The following SIVA1 variants were observed in gnomAD, a reference collection of about 807,000 sequenced individuals.
SIVA1 encodes the protein apoptosis regulatory protein Siva.
A neutral mutation model predicts 19.7 loss-of-function variants in SIVA1; 10 were observed. That is an observed-to-expected ratio of 0.51 (90% CI 0.31 to 0.86). The LOEUF (loss-of-function observed/expected upper bound fraction) is 0.86, where lower values mean the gene tolerates loss of function less well. SIVA1 is among the 40% of genes least tolerant of loss of function. SIVA1 has a pLI of 0.04. For missense variants in SIVA1, 241 were observed against 245.2 expected (o/e 0.98, Z 0.11); for synonymous variants, 130 against 106.1 (o/e 1.23, Z -1.39).
chr14:104,755,520 G>T, intron 1 of SIVA1, 110 bp from the exon 2 acceptor site: 1 of 974,616 alleles, frequency 1.0e-6, no homozygotes. Context: ...GGAGACAGAG[G>T]GCACACAGGA....
At position 104,755,677 on chromosome 14, in the gene SIVA1, C is replaced by A; in HGVS notation, c.166C>A (p.His56Asn). 1 of 1,613,932 alleles carries A rather than the reference C, an allele frequency of 6.2e-7. No homozygotes were observed. Among genetic ancestry groups the A allele is most frequent in the Middle Eastern group, 1.7e-4 (1 of 5,952 alleles). ...LFLGAQAYLDHVWDEGCAVVH... is the reference protein window; with the variant it reads ...LFLGAQAYLDNVWDEGCAVVH... The stretch of plus-strand genomic sequence containing the variant: ...CCTCGGGGCCCAGGCCTACCTGGAC[C>A]ACGTGTGGGATGAAGGCTGTGCCGT... Residue 56 changes from histidine (H) to asparagine (N), a missense_variant, in exon 2 of 4, where the codon CAC (histidine) becomes AAC (asparagine). By Grantham distance (68) the His-to-Asn change is moderately conservative. Transcript: ENST00000329967.
Position 104,756,671 on chromosome 14 carries a change from C to T in SIVA1, c.381C>T (p.Cys127=), listed in dbSNP as rs761066383. The change falls in exon 3 of 4, where the codon TGC becomes TGT. Residue 127 remains cysteine, a synonymous_variant. Coordinates refer to ENST00000329967, the MANE Select transcript of SIVA1 (RefSeq NM_006427.4). Reference sequence around the variant, plus strand: ...GAGCCGTGGATGGGAAGGCGGTCTGCGGTCAGTGTGAGCGAGCCCTGTGCG... The same window carrying T: ...GAGCCGTGGATGGGAAGGCGGTCTGTGGTCAGTGTGAGCGAGCCCTGTGCG... ...CVRAVDGKAV[C]GQCERALCGQ... is the part of the protein sequence containing the mutation. 1.7e-5 allele frequency: 28 copies of T among 1,614,070 alleles called. No individual in the cohort carries two copies. Among genetic ancestry groups the T allele is most frequent in the East Asian group, 2.2e-5 (1 of 44,896 alleles).
chr14:104,759,555 C>G lies in SIVA1; in HGVS notation c.*70C>G. On this transcript the variant is annotated 3_prime_UTR_variant, in exon 4 of 4. Coordinates refer to ENST00000329967, the MANE Select transcript of SIVA1 (RefSeq NM_006427.4). This position sits in a 1 kb window ranked among gnomAD's most constrained non-coding sequence, Gnocchi z 4.2. ...TGGCAGCCTTCCCTGGACGAGCGCT[C>G]GGTGTTCACACTGAACTGTGGGGTC... The G allele has an allele frequency of 7.5e-7, 1 of 1,333,658 alleles. No individual in the cohort carries two copies. The highest frequency in any genetic ancestry group is 1.1e-6 in the Non-Finnish European group (1 of 940,514). The allele number at this position is 1,333,658 out of a possible 1,614,324, so 82.6% of individuals were successfully genotyped here.
At chr14:104,754,337 C>T (rs1566808278) in intron 1 of SIVA1, among the ~76,000 whole-genome samples, 1 of 152,084 alleles carries the variant, frequency 6.6e-6, no homozygotes, top group Non-Finnish European at 1.5e-5. Flanking sequence ...TTCCTCTGTG[C>T]GGTGTCTCCA....
At position 104,753,279 on chromosome 14, in the gene SIVA1, C is replaced by T; in HGVS notation, c.78C>T (p.Ser26=). The T allele has an allele frequency of 6.2e-7, 1 of 1,601,450 alleles. No homozygotes were observed. Among genetic ancestry groups the T allele is most frequent in the Non-Finnish European group, 8.5e-7 (1 of 1,175,910 alleles). The change falls in exon 1 of 4, where the codon AGC becomes AGT. Residue 26 remains serine, a synonymous_variant. Coordinates refer to ENST00000329967, the MANE Select transcript of SIVA1 (RefSeq NM_006427.4). The part of the protein sequence containing the change: ...LKVRVSQREL[S]RGVCAERYSQ... The stretch of plus-strand genomic sequence containing the variant: ...TCCGCGTGAGCCAGAGGGAGTTGAG[C>T]CGCGGCGTGTGCGCCGAGCGCTACT...
chr14:104,753,834 C>G (rs1047297680), intron 1 of SIVA1: 9 of 449,490 alleles, frequency 2.0e-5, no homozygotes, highest in African/African-American at 1.6e-4. Flanking sequence ...AGCTCCCCAG[C>G]CTAGTTGGGG....
intron 3 of SIVA1, chr14:104,756,961 C>G: frequency 1.6e-6 from 1 of 617,658 alleles, no homozygotes; most frequent in Non-Finnish European, 2.8e-6. Flanking sequence ...TAAGGGAAAG[C>G]TGAACCTCAC....
At chr14:104,756,076 G>T (rs934581673) in intron 2 of SIVA1, 2 of 623,620 alleles carry the variant, frequency 3.2e-6, no homozygotes, top group South Asian at 1.6e-5. Context: ...TCTGCTTTCC[G>T]CCTGCAGCCC....
chr14:104,755,680 G>T lies in SIVA1; in HGVS notation c.169G>T (p.Val57Leu). The T allele has an allele frequency of 6.2e-7, 1 of 1,614,018 alleles. No individual in the cohort carries two copies. Among genetic ancestry groups the T allele is most frequent in the Non-Finnish European group, 8.5e-7 (1 of 1,179,998 alleles). The change falls in exon 2 of 4, where the codon GTG becomes TTG. Residue 57 changes from valine to leucine, a missense_variant. Coordinates refer to ENST00000329967, the MANE Select transcript of SIVA1 (RefSeq NM_006427.4). ...CGGGGCCCAGGCCTACCTGGACCAC[G>T]TGTGGGATGAAGGCTGTGCCGTCGT... ...FLGAQAYLDH[V>L]WDEGCAVVHL... is the part of the protein sequence containing the mutation.
intron 2 of SIVA1, chr14:104,756,115 A>G: frequency 1.8e-6 from 1 of 553,188 alleles, no homozygotes; most frequent in East Asian, 3.6e-5. Flanking sequence ...GGCTGGAAAC[A>G]TGCCAGTCCC....
intron 2 of SIVA1, chr14:104,756,254 G>T (rs1891885021): frequency 4.4e-6 from 2 of 452,614 alleles, no homozygotes; most frequent in Admixed American, 7.1e-5. Flanking sequence ...AACCAGTAAG[G>T]CAGTGGGCCA....
intron 3 of SIVA1, chr14:104,757,285 C>G (rs1395005600): frequency 4.5e-6 from 2 of 442,484 alleles, no homozygotes; most frequent in East Asian, 7.4e-5. Flanking sequence ...GGGCTACTCA[C>G]CTGGTGGATG....
rs531337688 is a variant in SIVA1, at chr14:104,759,038, G to A, written c.471-390G>A. On this transcript the variant is annotated intron_variant, in intron 3 of 3. Coordinates refer to ENST00000329967, the MANE Select transcript of SIVA1 (RefSeq NM_006427.4). The surrounding 1 kb of genome is among the most constrained non-coding windows in gnomAD (Gnocchi z 4.2). ...AAAGAGGTACTGCCACGTGGCTTTG[G>A]AGACCAGAAGTCTGAGAGGAAGGTG... The A allele has an allele frequency of 2.8e-4, 46 of 164,828 alleles. 1 individual carries two copies. The South Asian group carries it at 4.9e-3, about 18-fold the overall frequency. The allele number at this position is 164,828 out of a possible 1,614,324, so 10.2% of individuals were successfully genotyped here.
intron 3 of SIVA1, 112 bp downstream of exon 3, chr14:104,756,872 G>GGCACTGCAT: frequency 8.1e-7 from 1 of 1,230,852 alleles, no homozygotes; most frequent in Non-Finnish European, 1.1e-6. Flanking sequence ...GGCCCCTGAT[G>GGCACTGCAT]CAGTGCCATC....
intron 2 of SIVA1, 89 bp downstream of exon 2, chr14:104,755,913 T>C: frequency 7.8e-7 from 1 of 1,275,046 alleles, no homozygotes; most frequent in African/African-American, 1.5e-5. Flanking sequence ...GTCAGGCTTT[T>C]CCTCCCTGGG....
chr14:104,757,395 T>C, intron 3 of SIVA1: 1 of 325,110 alleles, frequency 3.1e-6, no homozygotes. Context: ...GCAAGCTTAG[T>C]CCAAACAATG....
chr14:104,754,214 G>A (rs145869226), intron 1 of SIVA1, among the ~76,000 whole-genome samples: 1 of 152,290 alleles, frequency 6.6e-6, no homozygotes, highest in East Asian at 1.9e-4. Flanking sequence ...CTTGCCTAGT[G>A]ATTGGGACAC....
intron 3 of SIVA1, chr14:104,757,114 G>T: frequency 2.6e-6 from 1 of 384,190 alleles, no homozygotes; most frequent in East Asian, 6.2e-5. Flanking sequence ...TGACACAGGT[G>T]CACACCGCAG....
At chr14:104,756,553 G>A (rs1036898174) in intron 2 of SIVA1, 51 bp from the exon 3 acceptor site, 47 of 1,610,374 alleles carry the variant, frequency 2.9e-5, no homozygotes, top group Admixed American at 8.3e-5. Context: ...CGGCAGTCCC[G>A]GAAACTCCAG....
Sources: allele counts gnomAD v4.1 joint callset (sites outside exome capture counted in the v4.1 genomes callset), GRCh38; gene constraint gnomAD v4.1.1; non-coding constraint Gnocchi (gnomAD v3.1); transcripts MANE v1.5; gene names NCBI Gene and HGNC (gene_info 2026-07-23, HGNC 2026-07-21).